The following MSRA variants were observed in gnomAD, a reference collection of about 807,000 sequenced individuals.
MSRA encodes the protein mitochondrial peptide methionine sulfoxide reductase.
In MSRA, 54 loss-of-function variants were observed where a neutral mutation model predicts 31.3. The observed-to-expected ratio is 1.73, with a 90% CI of 1.39 to 2.17. The LOEUF (loss-of-function observed/expected upper bound fraction) is 2.17. MSRA is among the 30% of genes most tolerant of loss of function. MSRA has a pLI of 0.00. For missense variants in MSRA, 507 were observed against 300.9 expected (o/e 1.69, Z -5.07); for synonymous variants, 169 against 116.5 (o/e 1.45, Z -2.90).
chr8:10,400,980 T>A (rs1005295651), intron 5 of MSRA, among the ~76,000 whole-genome samples: 1 of 152,198 alleles, frequency 6.6e-6, no homozygotes, highest in Admixed American at 6.5e-5. Flanking sequence ...AATGCAGATC[T>A]CTGATGGAGT....
chr8:10,310,808 A>G (rs1048008094), intron 4 of MSRA, among the ~76,000 whole-genome samples: 34 of 152,228 alleles, frequency 2.2e-4, no homozygotes, highest in African/African-American at 7.2e-4. Context: ...GTGCTACACA[A>G]TTCTATCAGA....
At chr8:10,202,000 T>G (rs1336966649) in intron 1 of MSRA, among the ~76,000 whole-genome samples, 1 of 152,254 alleles carries the variant, frequency 6.6e-6, no homozygotes, top group Non-Finnish European at 1.5e-5. Flanking sequence ...CAGATGTCCC[T>G]GTTGGAGACT....
chr8:10,210,956 G>A (rs1038271912), intron 2 of MSRA, among the ~76,000 whole-genome samples: 6 of 151,078 alleles, frequency 4.0e-5, no homozygotes, highest in African/African-American at 9.7e-5. Context: ...GGCTGGTCTC[G>A]AACTCCTAAC....
intron 5 of MSRA, chr8:10,326,444 A>T (rs1395695732): frequency 6.6e-6 from 1 of 152,216 alleles, no homozygotes; most frequent in Non-Finnish European, 1.5e-5. Flanking sequence ...TGGCTGAAGA[A>T]GTTTGCTCAT....
At chr8:10,327,058 A>T (rs145349884) in intron 5 of MSRA, among the ~76,000 whole-genome samples, 1 of 152,210 alleles carries the variant, frequency 6.6e-6, no homozygotes, top group East Asian at 1.9e-4. Context: ...AGAAAGCACA[A>T]TGCTTTCTCT....
At chr8:10,223,659 A>C (rs1202163303) in intron 2 of MSRA, among the ~76,000 whole-genome samples, 1 of 152,228 alleles carries the variant, frequency 6.6e-6, no homozygotes, top group Non-Finnish European at 1.5e-5. Context: ...GTGTCACCAG[A>C]AGCCCAGACA....
At chr8:10,339,743 G>A (rs1019957600) in intron 5 of MSRA, among the ~76,000 whole-genome samples, 4 of 150,464 alleles carry the variant, frequency 2.7e-5, no homozygotes, top group African/African-American at 4.9e-5. Context: ...GGGTTTCACC[G>A]TGTTAGCCAG....
chr8:10,224,133 A>G lies in MSRA; in HGVS notation c.211+16232A>G, dbSNP rs185522760. Among the ~76,000 whole-genome samples the G allele has an allele frequency of 1.2e-3, 187 of 152,350 alleles. 1 individual carries two copies. Among genetic ancestry groups the G allele is most frequent in the Non-Finnish European group, 2.1e-3 (140 of 68,036 alleles). Reference sequence around the variant, plus strand: ...TTTATAGGGTGGTGATGCGCACATCATAGCTAGGCCCTTAACAGATAGTAG... The same window carrying G: ...TTTATAGGGTGGTGATGCGCACATCGTAGCTAGGCCCTTAACAGATAGTAG... On this transcript the variant is annotated intron_variant, in intron 2 of 5. Coordinates refer to ENST00000317173, the MANE Select transcript of MSRA (RefSeq NM_012331.5).
At chr8:10,365,863 C>T (rs1174017835) in intron 5 of MSRA, among the ~76,000 whole-genome samples, 1 of 152,178 alleles carries the variant, frequency 6.6e-6, no homozygotes, top group African/African-American at 2.4e-5. Context: ...TGCTGTGAAC[C>T]CAGGACTCCT....
chr8:10,244,772 G>A (rs1395406274), intron 2 of MSRA, among the ~76,000 whole-genome samples: 2 of 152,136 alleles, frequency 1.3e-5, no homozygotes, highest in African/African-American at 4.8e-5. Context: ...ATTGATTCAA[G>A]TTATGAATTG....
intron 1 of MSRA, among the ~76,000 whole-genome samples, chr8:10,168,152 G>A (rs6994808): frequency 0.33 from 49,881 of 152,064 alleles, 9,072 homozygotes; most frequent in East Asian, 0.52. Flanking sequence ...TAATAAAAGT[G>A]TCTACCTTGT....
At chr8:10,135,655 G>C (rs1187478549) in intron 1 of MSRA, among the ~76,000 whole-genome samples, 1 of 152,204 alleles carries the variant, frequency 6.6e-6, no homozygotes, top group Non-Finnish European at 1.5e-5. Flanking sequence ...GCAACATTCT[G>C]TGCATTCGCG....
chr8:10,370,136 C>T (rs1277937033), intron 5 of MSRA, among the ~76,000 whole-genome samples: 1 of 152,186 alleles, frequency 6.6e-6, no homozygotes, highest in Non-Finnish European at 1.5e-5. Flanking sequence ...CAAAATGCTT[C>T]CACATGTCAT....
At chr8:10,071,278 G>C (rs753020003) in intron 1 of MSRA, among the ~76,000 whole-genome samples, 1 of 152,104 alleles carries the variant, frequency 6.6e-6, no homozygotes, top group Admixed American at 6.6e-5. Flanking sequence ...CTTTTAATGT[G>C]CTTGTTTGTC....
At chr8:10,357,379 T>C (rs1334722157) in intron 5 of MSRA, among the ~76,000 whole-genome samples, 1 of 152,246 alleles carries the variant, frequency 6.6e-6, no homozygotes, top group East Asian at 1.9e-4. Flanking sequence ...TTTCAGACAT[T>C]GACTTGGTTT....
intron 5 of MSRA, among the ~76,000 whole-genome samples, chr8:10,393,489 G>A (rs540800508): frequency 1.3e-5 from 2 of 152,320 alleles, no homozygotes; most frequent in Non-Finnish European, 2.9e-5. Flanking sequence ...CTGACACAGC[G>A]TCAGCATGTG....
chr8:10,106,824 CCTACCCACTCACACACCCACCCACCTAA>C (rs1799914197), intron 1 of MSRA, among the ~76,000 whole-genome samples: 1 of 151,962 alleles, frequency 6.6e-6, no homozygotes, highest in African/African-American at 2.4e-5. Context: ...CACCCACCTA[CCTACCCACTCACACACCCACCCACCTAA>C]CTACCCACGC....
At chr8:10,129,076 G>A (rs949588299) in intron 1 of MSRA, among the ~76,000 whole-genome samples, 2 of 152,174 alleles carry the variant, frequency 1.3e-5, no homozygotes, top group Admixed American at 6.5e-5. Flanking sequence ...TCTATTTTAT[G>A]CAAATAGAGG....
At chr8:10,082,709 C>T (rs1798356463) in intron 1 of MSRA, among the ~76,000 whole-genome samples, 1 of 152,174 alleles carries the variant, frequency 6.6e-6, no homozygotes, top group African/African-American at 2.4e-5. Context: ...TGAGGGGTCC[C>T]TCTCTGTGAT....
Sources: allele counts gnomAD v4.1 joint callset (sites outside exome capture counted in the v4.1 genomes callset), GRCh38; gene constraint gnomAD v4.1.1; transcripts MANE v1.5; gene names NCBI Gene and HGNC (gene_info 2026-07-23, HGNC 2026-07-21).